Variants in TMEM177 observed in about 807,000 individuals in gnomAD.
The protein encoded by TMEM177 is transmembrane protein 177.
In TMEM177, 4 loss-of-function variants were observed where a neutral mutation model predicts 14.2. The ratio of observed to expected loss-of-function variants is 0.28; its 90% CI spans 0.14 to 0.64. The LOEUF (loss-of-function observed/expected upper bound fraction) is 0.64. Among genes scored for constraint, TMEM177 ranks in the 30% least tolerant of loss-of-function variants. The probability of loss-of-function intolerance (pLI) is 0.82; values close to 1 mark genes in which losing one functional copy is unlikely to be tolerated. For synonymous variants in TMEM177, 179 were observed against 174.5 expected (o/e 1.03, Z -0.20); for missense variants, 344 against 405.2 (o/e 0.85, Z 1.30).
At chr2:119,707,209 T>G in the TMEM177 span, among the ~76,000 whole-genome samples, 1 of 152,170 alleles carries the variant, frequency 6.6e-6, no homozygotes, top group Admixed American at 6.5e-5. Context: ...CTTTTTATTC[T>G]GGAAGGATCA....
chr2:119,717,599 TTGAG>T, the TMEM177 span, among the ~76,000 whole-genome samples: 3 of 129,004 alleles, frequency 2.3e-5, no homozygotes, highest in African/African-American at 8.5e-5. Context: ...TGCCATTGAC[TTGAG>T]TCTTTTTTTT....
In TMEM177 at chr2:119,681,871, A is replaced by G. The variant is rs1414303094; in HGVS notation, c.*82A>G. On this transcript the variant is annotated 3_prime_UTR_variant, in exon 2 of 2. Transcript: ENST00000272521. ...TGGAGGGCCCTGTTGGAGCCTTTGG[A>G]CCTATAGCTCACGGCCAGAAAAATC... is the stretch of plus-strand genomic sequence containing the variant. 2.2e-6 allele frequency: 3 copies of G among 1,387,714 alleles called. No individual in the cohort carries two copies. The highest frequency in any genetic ancestry group is 3.0e-6 in the Non-Finnish European group (3 of 1,008,856). 86.0% of individuals were successfully genotyped at this position (1,387,714 alleles called of 1,614,324 possible).
At chr2:119,711,262 A>G in the TMEM177 span, among the ~76,000 whole-genome samples, 2 of 152,354 alleles carry the variant, frequency 1.3e-5, no homozygotes, top group South Asian at 4.1e-4. Context: ...AATTATGAAA[A>G]GGAGATTTGG....
the TMEM177 span, among the ~76,000 whole-genome samples, chr2:119,694,503 G>A: frequency 7.2e-5 from 11 of 152,382 alleles, no homozygotes; most frequent in African/African-American, 2.6e-4. Context: ...CTCAGAGACA[G>A]CAGGGCTGGA....
At position 119,681,417 on chromosome 2, in the gene TMEM177, G is replaced by A. The variant is rs1349778275; in HGVS notation, c.564G>A (p.Lys188=). Residue 188 remains lysine (K), a synonymous_variant, in exon 2 of 2, where the codon AAG becomes AAA. Coordinates refer to ENST00000272521, the MANE Select transcript of TMEM177 (RefSeq NM_030577.3). The part of the protein sequence containing the change: ...AGTWALGVGA[K]YTLGLHAGPM... ...CCTGGGCACTGGGCGTGGGTGCCAA[G>A]TACACCCTGGGGCTCCATGCAGGCC... 1.2e-6 allele frequency: 2 copies of A among 1,613,964 alleles called. No homozygotes were observed.
chr2:119,700,041 G>A, the TMEM177 span: 2 of 287,956 alleles, frequency 6.9e-6, no homozygotes, highest in Non-Finnish European at 1.3e-5. Flanking sequence ...CTGCCACATC[G>A]AGATCATCCT....
chr2:119,698,626 GT>G, the TMEM177 span: 2 of 181,868 alleles, frequency 1.1e-5, no homozygotes, highest in Non-Finnish European at 2.4e-5. Flanking sequence ...TGTGAAAATG[GT>G]TCGCTATTCA....
In TMEM177 at chr2:119,681,321, G is replaced by T; in HGVS notation, c.468G>T (p.Arg156Ser). Residue 156 changes from arginine (R) to serine (S), a missense_variant, in exon 2 of 2, where the codon AGG becomes AGT. Coordinates refer to ENST00000272521, the MANE Select transcript of TMEM177 (RefSeq NM_030577.3). ...AAGCCCAGAAGTTCGCCTTGGCCAG[G>T]GAAGTGGTGTACCTGGAAAGCAGTA... ...SREAQKFALA[R>S]EVVYLESSTT... The T allele has an allele frequency of 6.2e-7, 1 of 1,614,248 alleles. No homozygotes were observed. The highest frequency in any genetic ancestry group is 8.5e-7 in the Non-Finnish European group (1 of 1,180,046).
chr2:119,692,959 G>A, the TMEM177 span, among the ~76,000 whole-genome samples: 1 of 120,416 alleles, frequency 8.3e-6, no homozygotes, highest in Non-Finnish European at 1.6e-5. Context: ...GTGACAAAGC[G>A]AGATTGTCTC....
At position 119,681,827 on chromosome 2, in the gene TMEM177, A is replaced by T; in HGVS notation, c.*38A>T. 6 of 1,575,740 alleles carry T rather than the reference A, an allele frequency of 3.8e-6. No homozygotes were observed. The highest frequency in any genetic ancestry group is 5.2e-6 in the Non-Finnish European group (6 of 1,154,914). ...AAGGACACTTCCAGCTTGTGCAGACACCACCCTGCCATTGAGTCTGGAGGG... is the reference window on the plus strand; with the variant it reads ...AAGGACACTTCCAGCTTGTGCAGACTCCACCCTGCCATTGAGTCTGGAGGG... On this transcript the variant is annotated 3_prime_UTR_variant, in exon 2 of 2. Coordinates refer to ENST00000272521, the MANE Select transcript of TMEM177 (RefSeq NM_030577.3).
At chr2:119,697,488 A>G in the TMEM177 span, among the ~76,000 whole-genome samples, 2 of 152,178 alleles carry the variant, frequency 1.3e-5, no homozygotes, top group Non-Finnish European at 2.9e-5. Flanking sequence ...GGCGGAGGTC[A>G]CAGTGAGCTG....
At chr2:119,684,159 G>A (rs984121148), downstream of TMEM177, among the ~76,000 whole-genome samples, 1 of 152,116 alleles carries the variant, frequency 6.6e-6, no homozygotes, top group Non-Finnish European at 1.5e-5. Context: ...CCTTGCTCTG[G>A]ATCCTAGCCT....
At chr2:119,705,261 G>A in the TMEM177 span, among the ~76,000 whole-genome samples, 2 of 152,154 alleles carry the variant, frequency 1.3e-5, no homozygotes, top group East Asian at 3.8e-4. Flanking sequence ...CAGTTCCTGG[G>A]CACAGCCTAG....
chr2:119,703,055 G>A, the TMEM177 span, among the ~76,000 whole-genome samples: 1 of 152,234 alleles, frequency 6.6e-6, no homozygotes, highest in Non-Finnish European at 1.5e-5. Context: ...GGGCGTGGCC[G>A]GCTCAGCAGG....
At chr2:119,705,316 C>A in the TMEM177 span, among the ~76,000 whole-genome samples, 1 of 152,160 alleles carries the variant, frequency 6.6e-6, no homozygotes, top group Non-Finnish European at 1.5e-5. Flanking sequence ...ATCAAAGGAT[C>A]AGCTGGGCTG....
chr2:119,699,627 C>T, the TMEM177 span, among the ~76,000 whole-genome samples: 1 of 152,192 alleles, frequency 6.6e-6, no homozygotes, highest in African/African-American at 2.4e-5. Flanking sequence ...CAAGGCTCCA[C>T]CCCAGGGTGC....
At chr2:119,709,255 G>A in the TMEM177 span, among the ~76,000 whole-genome samples, 2 of 152,232 alleles carry the variant, frequency 1.3e-5, no homozygotes, top group East Asian at 1.9e-4. Flanking sequence ...TCTGAGGTCA[G>A]TGCAGTCGTG....
the TMEM177 span, among the ~76,000 whole-genome samples, chr2:119,709,603 C>T: frequency 3.3e-5 from 5 of 152,104 alleles, no homozygotes; most frequent in African/African-American, 4.8e-5. Flanking sequence ...GGGCGGATCA[C>T]GAGGTCAGGA....
rs1268084682 is a variant in TMEM177 at position 119,681,148 on chromosome 2, C to T, written c.295C>T (p.Pro99Ser). 1 of 1,614,244 alleles carries T rather than the reference C, an allele frequency of 6.2e-7. No homozygotes were observed. Among genetic ancestry groups the T allele is most frequent in the Non-Finnish European group, 8.5e-7 (1 of 1,180,042 alleles). ...QPVSAGFPRL[P>S]AGAVVGIPAS... is the part of the protein sequence containing the mutation. The stretch of plus-strand genomic sequence containing the variant: ...TGTGAGTGCAGGCTTCCCAAGACTC[C>T]CTGCTGGGGCTGTGGTGGGCATCCC... Residue 99 changes from proline (P) to serine (S), a missense_variant, in exon 2 of 2, where the codon CCT (proline) becomes TCT (serine). Coordinates refer to ENST00000272521, the MANE Select transcript of TMEM177 (RefSeq NM_030577.3).
Sources: gnomAD v4.1 joint callset for allele counts (sites outside exome capture counted in the v4.1 genomes callset) on GRCh38, gnomAD v4.1.1 for gene constraint, MANE v1.5 for transcripts, NCBI Gene and HGNC (gene_info 2026-07-23, HGNC 2026-07-21) for gene names.